The following DPP10 variants were observed in gnomAD, a reference collection of about 807,000 sequenced individuals.
DPP10 encodes the protein inactive dipeptidyl peptidase 10.
In DPP10, 33 loss-of-function variants were observed where a neutral mutation model predicts 120.9. The observed-to-expected ratio is 0.27, with a 90% CI of 0.21 to 0.37. DPP10 has a LOEUF of 0.37. DPP10 is among the 10% of genes least tolerant of loss of function. The pLI is 1.00. For synonymous variants in DPP10, 337 were observed against 326.1 expected, an observed-to-expected ratio of 1.03 and a Z score of -0.36; for missense variants, 816 against 942.8, an observed-to-expected ratio of 0.87 and a Z score of 1.76.
chr2:114,845,382 G>T (rs1402477154), intron 1 of DPP10, among the ~76,000 whole-genome samples: 1 of 152,096 alleles, frequency 6.6e-6, no homozygotes, highest in East Asian at 1.9e-4. Flanking sequence ...GTTTTGCTGT[G>T]AATCTAAAAT....
chr2:114,946,556 A>G (rs1044522899), intron 1 of DPP10, among the ~76,000 whole-genome samples: 1 of 152,116 alleles, frequency 6.6e-6, no homozygotes, highest in Non-Finnish European at 1.5e-5. Context: ...TCCCCTATTC[A>G]TGTAATGTTT....
At chr2:114,548,060 G>T (rs1160279816) in intron 1 of DPP10, among the ~76,000 whole-genome samples, 1 of 152,184 alleles carries the variant, frequency 6.6e-6, no homozygotes, top group Non-Finnish European at 1.5e-5. Context: ...GGGTGAGGAG[G>T]TTGGCTAGTA....
At chr2:114,782,354 A>G (rs1682409546) in intron 1 of DPP10, among the ~76,000 whole-genome samples, 1 of 151,824 alleles carries the variant, frequency 6.6e-6, no homozygotes, top group Non-Finnish European at 1.5e-5. Context: ...TATGGAATAT[A>G]TATACACATA....
intron 7 of DPP10, among the ~76,000 whole-genome samples, chr2:115,701,979 A>G (rs571389104): frequency 6.6e-6 from 1 of 152,222 alleles, no homozygotes; most frequent in South Asian, 2.1e-4. Context: ...AGTAAGTAGC[A>G]AAGTGTAAGT....
Position 115,326,628 on chromosome 2 carries a change from G to T in DPP10, c.176-17189G>T, listed in dbSNP as rs895678695. On this transcript the variant is annotated intron_variant, in intron 2 of 25. Coordinates refer to ENST00000410059, the MANE Select transcript of DPP10 (RefSeq NM_020868.6). Reference sequence around the variant, plus strand: ...ACCCTGAAGACCTTCTAGTGGAATAGGATATGAAGGTGGAAGACAGTGATA... The same window carrying T: ...ACCCTGAAGACCTTCTAGTGGAATATGATATGAAGGTGGAAGACAGTGATA... Among the ~76,000 whole-genome samples, 46 of 151,910 alleles carry T rather than the reference G, an allele frequency of 3.0e-4. 1 individual carries two copies. The highest frequency in any genetic ancestry group is 4.4e-5 in the Non-Finnish European group (3 of 67,922).
At chr2:115,130,156 G>T (rs1427731565) in intron 1 of DPP10, among the ~76,000 whole-genome samples, 1 of 152,152 alleles carries the variant, frequency 6.6e-6, no homozygotes, top group Non-Finnish European at 1.5e-5. Flanking sequence ...TAGTTAGCTA[G>T]CTCAGATGGA....
chr2:115,601,924 G>T (rs1350208642), intron 5 of DPP10, among the ~76,000 whole-genome samples: 1 of 150,936 alleles, frequency 6.6e-6, no homozygotes, highest in East Asian at 1.9e-4. Context: ...CTTGTGATCC[G>T]CCTGCCTTGG....
intron 3 of DPP10, among the ~76,000 whole-genome samples, chr2:115,408,963 G>A (rs1483087589): frequency 6.6e-6 from 1 of 151,726 alleles, no homozygotes; most frequent in African/African-American, 2.4e-5. Context: ...ATCTCTGAGT[G>A]AAAAGAATGA....
intron 1 of DPP10, among the ~76,000 whole-genome samples, chr2:114,652,988 AAG>A (rs138466082): frequency 3.3e-4 from 44 of 135,194 alleles, no homozygotes; most frequent in East Asian, 4.3e-4. Flanking sequence ...CTCTCATTGG[AAG>A]AGAGAGAGAG....
intron 1 of DPP10, among the ~76,000 whole-genome samples, chr2:114,891,282 G>GA: frequency 6.6e-6 from 1 of 152,194 alleles, no homozygotes; most frequent in East Asian, 1.9e-4. Context: ...AAATTCAAGG[G>GA]AAAAACGCAC....
chr2:115,569,304 A>G (rs1026391807), intron 5 of DPP10, among the ~76,000 whole-genome samples: 2 of 152,228 alleles, frequency 1.3e-5, no homozygotes, highest in African/African-American at 4.8e-5. Flanking sequence ...ATAATACTGC[A>G]TCCTAAGCTT....
chr2:115,587,475 G>C (rs1311852909), intron 5 of DPP10, among the ~76,000 whole-genome samples: 2 of 152,072 alleles, frequency 1.3e-5, no homozygotes, highest in African/African-American at 4.8e-5. Context: ...TACAGTATTT[G>C]TCTTTTTGTG....
intron 1 of DPP10, among the ~76,000 whole-genome samples, chr2:114,469,735 A>C (rs1234158989): frequency 2.0e-5 from 3 of 152,192 alleles, no homozygotes; most frequent in Admixed American, 6.5e-5. Flanking sequence ...CTCAAAAAAA[A>C]CAAAAATACC....
rs192984039 is a variant in DPP10 at position 114,677,728 on chromosome 2, G to C, written c.60+234890G>C. Reference sequence around the variant, plus strand: ...AGTGTTTGTTTCTCTACACGCTGCAGATAACAATTTTGAATGCATTAGATG... The same window carrying C: ...AGTGTTTGTTTCTCTACACGCTGCACATAACAATTTTGAATGCATTAGATG... On this transcript the variant is annotated intron_variant, in intron 1 of 25. Coordinates refer to ENST00000410059, the MANE Select transcript of DPP10 (RefSeq NM_020868.6). Among the ~76,000 whole-genome samples, 21 of 152,240 alleles carry C rather than the reference G, an allele frequency of 1.4e-4. No homozygotes were observed. In the East Asian group the frequency reaches 4.1e-3, roughly 30 times the overall value.
At chr2:115,400,891 A>G (rs952531112) in intron 3 of DPP10, among the ~76,000 whole-genome samples, 3 of 152,210 alleles carry the variant, frequency 2.0e-5, no homozygotes, top group African/African-American at 7.2e-5. Flanking sequence ...TTTCGAGGCT[A>G]TGCATGGGGA....
intron 1 of DPP10, among the ~76,000 whole-genome samples, chr2:115,217,996 C>G (rs1348317051): frequency 6.6e-6 from 1 of 152,092 alleles, no homozygotes; most frequent in African/African-American, 2.4e-5. Context: ...CTGATTTTGT[C>G]TCTTACTCAT....
At chr2:115,274,074 C>T (rs1246920119) in intron 1 of DPP10, among the ~76,000 whole-genome samples, 1 of 151,908 alleles carries the variant, frequency 6.6e-6, no homozygotes, top group Non-Finnish European at 1.5e-5. Context: ...TAGAGCGCAT[C>T]ATGCAGAATT....
intron 1 of DPP10, among the ~76,000 whole-genome samples, chr2:114,682,009 G>A (rs1182871268): frequency 2.6e-5 from 4 of 152,072 alleles, no homozygotes; most frequent in South Asian, 2.1e-4. Context: ...GAAGAGATGA[G>A]TTAAAGCGTT....
chr2:115,226,820 G>C (rs2057456917), intron 1 of DPP10, among the ~76,000 whole-genome samples: 2 of 152,096 alleles, frequency 1.3e-5, no homozygotes, highest in African/African-American at 4.8e-5. Flanking sequence ...TTACTTGTTT[G>C]GATCTCAGAT....
Sources: allele counts gnomAD v4.1 joint callset (sites outside exome capture counted in the v4.1 genomes callset), GRCh38; gene constraint gnomAD v4.1.1; transcripts MANE v1.5; gene names NCBI Gene and HGNC (gene_info 2026-07-23, HGNC 2026-07-21).